Variants in GSDMC observed in about 807,000 individuals in gnomAD.
GSDMC encodes the protein gasdermin-C.
GSDMC carries 59 observed loss-of-function variants against 58.0 expected under a neutral mutation model. The ratio of observed to expected loss-of-function variants is 1.02; its 90% confidence interval spans 0.82 to 1.26. The LOEUF is 1.26. Ranked by LOEUF, GSDMC falls within the 50% of genes most tolerant of loss-of-function variation. The pLI, the probability that GSDMC is intolerant of heterozygous loss-of-function variation, is 0.00. For synonymous variants in GSDMC, 241 were observed against 220.2 expected, an observed-to-expected ratio of 1.09 and a Z score of -0.83; for missense variants, 659 against 598.5, an observed-to-expected ratio of 1.10 and a Z score of -1.06.
chr8:129,757,820 G>A (rs1319263269), intron 6 of GSDMC, among the ~76,000 whole-genome samples: 3 of 152,054 alleles, frequency 2.0e-5, no homozygotes. Flanking sequence ...GTGAGACCAT[G>A]TCTCTACAAA....
the GSDMC span, among the ~76,000 whole-genome samples, chr8:129,740,107 T>C: frequency 6.6e-6 from 1 of 152,190 alleles, no homozygotes; most frequent in Non-Finnish European, 1.5e-5. Flanking sequence ...AGAATAAGGA[T>C]ATAAGAAAAT....
intron 3 of GSDMC, among the ~76,000 whole-genome samples, chr8:129,768,095 G>A (rs779361052): frequency 2.4e-4 from 37 of 152,066 alleles, no homozygotes; most frequent in Non-Finnish European, 4.4e-4. Context: ...GATCCAGCCC[G>A]ACCATGGAGC....
At chr8:129,755,243 A>C (rs1447543838) in intron 6 of GSDMC, among the ~76,000 whole-genome samples, 1 of 152,194 alleles carries the variant, frequency 6.6e-6, no homozygotes, top group South Asian at 2.1e-4. Context: ...ATAGCATACA[A>C]TGGAGTTGCA....
chr8:129,750,171 A>ATTAG, intron 11 of GSDMC, 52 bp from the exon 12 acceptor site: 3 of 1,392,462 alleles, frequency 2.2e-6, no homozygotes, highest in Non-Finnish European at 2.9e-6. Context: ...CAGTAATGTT[A>ATTAG]TATAATTTGC....
chr8:129,749,388 A>C (rs1030588643), intron 13 of GSDMC, 64 bp downstream of exon 13: 4 of 1,164,468 alleles, frequency 3.4e-6, no homozygotes, highest in Non-Finnish European at 5.2e-6. Flanking sequence ...CCTCAGAATC[A>C]TTCTTCTTAC....
At chr8:129,749,894 C>T (rs2033103698) in intron 12 of GSDMC, 96 bp downstream of exon 12, 2 of 1,000,694 alleles carry the variant, frequency 2.0e-6, no homozygotes, top group Admixed American at 5.2e-5. Flanking sequence ...TCATGGCATT[C>T]AAAGGGCTTT....
the GSDMC span, among the ~76,000 whole-genome samples, chr8:129,715,265 C>G: frequency 1.3e-5 from 2 of 152,110 alleles, no homozygotes; most frequent in Non-Finnish European, 2.9e-5. Context: ...AGACTAAACA[C>G]TGTTCTGGCC....
At chr8:129,750,163 G>T in intron 11 of GSDMC, 44 bp from the exon 12 acceptor site, 9 of 1,392,524 alleles carry the variant, frequency 6.5e-6, no homozygotes, top group Non-Finnish European at 8.7e-6. Flanking sequence ...ACTAATAACA[G>T]TAATGTTATA....
chr8:129,719,600 T>G, the GSDMC span, among the ~76,000 whole-genome samples: 1 of 152,320 alleles, frequency 6.6e-6, no homozygotes, highest in South Asian at 2.1e-4. Context: ...CATGGAATAC[T>G]TACGGAGGTA....
chr8:129,745,860 C>T (rs1309298500), downstream of GSDMC, among the ~76,000 whole-genome samples: 1 of 86,838 alleles, frequency 1.2e-5, no homozygotes, highest in African/African-American at 1.1e-4. Context: ...GGGCAATCAT[C>T]CAAGACTGCC....
intron 1 of GSDMC, among the ~76,000 whole-genome samples, chr8:129,779,303 G>A (rs1316097563): frequency 6.6e-6 from 1 of 152,028 alleles, no homozygotes; most frequent in Non-Finnish European, 1.5e-5. Context: ...ATCAAGAACA[G>A]CTCCCAATGG....
chr8:129,716,564 CAG>C, the GSDMC span, among the ~76,000 whole-genome samples: 2 of 152,200 alleles, frequency 1.3e-5, no homozygotes, highest in African/African-American at 2.4e-5. Context: ...CATCTGCAAA[CAG>C]AGACAACTTG....
At chr8:129,750,212 G>T in intron 11 of GSDMC, 93 bp from the exon 12 acceptor site, 1 of 1,134,730 alleles carries the variant, frequency 8.8e-7, no homozygotes, top group Non-Finnish European at 1.2e-6. Flanking sequence ...CAAGGGGTAG[G>T]CATGAGGGTT....
intron 6 of GSDMC, among the ~76,000 whole-genome samples, chr8:129,760,019 T>C (rs1438044248): frequency 6.6e-6 from 1 of 152,180 alleles, no homozygotes; most frequent in Non-Finnish European, 1.5e-5. Flanking sequence ...AATGGTATAC[T>C]ATTCACCCGT....
chr8:129,767,224 C>T (rs2033892459), intron 3 of GSDMC, among the ~76,000 whole-genome samples: 2 of 152,098 alleles, frequency 1.3e-5, no homozygotes, highest in Admixed American at 1.3e-4. Context: ...AGCCTCTGGC[C>T]CCAACTGACC....
chr8:129,783,862 C>A (rs2034483804), intron 1 of GSDMC, among the ~76,000 whole-genome samples: 1 of 152,012 alleles, frequency 6.6e-6, no homozygotes, highest in Admixed American at 6.5e-5. Context: ...CTACAGTAAC[C>A]AAAACAGCAT....
the GSDMC span, among the ~76,000 whole-genome samples, chr8:129,707,472 A>C: frequency 2.0e-5 from 3 of 152,008 alleles, no homozygotes; most frequent in Admixed American, 1.3e-4. Flanking sequence ...AAAAAATGTA[A>C]GTACCATTAA....
chr8:129,757,365 C>A (rs931932421), intron 6 of GSDMC, among the ~76,000 whole-genome samples: 4 of 151,940 alleles, frequency 2.6e-5, no homozygotes, highest in African/African-American at 7.2e-5. Context: ...AAATTTAAAA[C>A]CTGAACAGAT....
chr8:129,782,057 C>G (rs185880928), intron 1 of GSDMC, among the ~76,000 whole-genome samples: 2,170 of 152,162 alleles, frequency 0.014, 59 homozygotes, highest in African/African-American at 0.049. Context: ...AAATCAATAA[C>G]GAGAGCAATT....
Sources: gnomAD v4.1 joint callset for allele counts (sites outside exome capture counted in the v4.1 genomes callset) on GRCh38, gnomAD v4.1.1 for gene constraint, MANE v1.5 for transcripts, NCBI Gene and HGNC (gene_info 2026-07-23, HGNC 2026-07-21) for gene names.